The following SCN7A variants were observed in gnomAD, a reference collection of about 807,000 sequenced individuals.
SCN7A encodes sodium voltage-gated channel alpha subunit 7, also known as sodium channel protein type 7 subunit alpha.
In SCN7A, 138 loss-of-function variants were observed where a neutral mutation model predicts 155.2. The ratio of observed to expected loss-of-function variants is 0.89; its 90% CI spans 0.77 to 1.02. The LOEUF (loss-of-function observed/expected upper bound fraction) is 1.02. SCN7A is among the 50% of genes least tolerant of loss of function. The probability of loss-of-function intolerance (pLI) is 0.00; values close to 1 mark genes in which losing one functional copy is unlikely to be tolerated. For missense variants in SCN7A, 2,058 were observed against 1,986.6 expected (o/e 1.04, Z -0.68); for synonymous variants, 693 against 649.0 (o/e 1.07, Z -1.03).
rs753577115 is a variant in SCN7A at position 166,465,917 on chromosome 2, C to A, written c.735G>T (p.Leu245=). ...TTAGAGAAAATATGCTCAGAAAAAACAGAGTTAGGATAATGACACCAATAA... is the reference window on the plus strand; with the variant it reads ...TTAGAGAAAATATGCTCAGAAAAAAAAGAGTTAGGATAATGACACCAATAA... The part of the protein sequence containing the change: ...KQLIGVIILT[L]FFLSIFSLIG... The change falls in exon 8 of 26, where the codon CTG becomes CTT. Residue 245 remains leucine, a synonymous_variant. Coordinates refer to ENST00000643258, the MANE Select transcript of SCN7A (RefSeq NM_002976.4). 7.4e-6 allele frequency: 12 copies of A among 1,613,614 alleles called. No homozygotes were observed. The highest frequency in any genetic ancestry group is 1.6e-4 in the Middle Eastern group (1 of 6,084).
At chr2:166,471,259 G>A (rs1702649181) in intron 6 of SCN7A, among the ~76,000 whole-genome samples, 1 of 151,818 alleles carries the variant, frequency 6.6e-6, no homozygotes, top group Non-Finnish European at 1.5e-5. Flanking sequence ...TGCAACATGA[G>A]CAAATTATTT....
At chr2:166,430,264 T>C (rs1157528807) in intron 16 of SCN7A, among the ~76,000 whole-genome samples, 8 of 152,008 alleles carry the variant, frequency 5.3e-5, no homozygotes, top group Non-Finnish European at 1.0e-4. Flanking sequence ...AAAGCTTTTT[T>C]TGCTTTAGTT....
intron 3 of SCN7A, among the ~76,000 whole-genome samples, chr2:166,476,949 G>T (rs2105512559): frequency 6.6e-6 from 1 of 152,022 alleles, no homozygotes; most frequent in East Asian, 1.9e-4. Flanking sequence ...TTAGCATTTT[G>T]TGCTTGTTCT....
chr2:166,461,457 ACT>A lies in SCN7A; in HGVS notation c.1083+930_1083+931del, dbSNP rs1575048414. On this transcript the variant is annotated intron_variant, in intron 10 of 25. Transcript: ENST00000643258. The stretch of plus-strand genomic sequence containing the variant: ...CATACATAATTAGTTACGAATACAG[ACT>A]CTCAGAATTTGAATTTCAATTCTCA... Among the ~76,000 whole-genome samples the A allele has an allele frequency of 2.0e-5, 3 of 152,092 alleles. No individual in the cohort carries two copies. In the East Asian group the frequency reaches 5.8e-4, roughly 29 times the overall value.
chr2:166,406,704 G>A, intron 25 of SCN7A, 58 bp from the exon 26 acceptor site: 1 of 1,154,594 alleles, frequency 8.7e-7, no homozygotes, highest in South Asian at 1.5e-5. Context: ...AGTATTTTGA[G>A]GACTATAAAT....
chr2:166,459,940 C>T (rs2105472140), intron 10 of SCN7A, among the ~76,000 whole-genome samples: 2 of 152,078 alleles, frequency 1.3e-5, no homozygotes, highest in East Asian at 3.9e-4. Context: ...AACATATGGG[C>T]ACAGGGAGGG....
chr2:166,413,550 T>C (rs1297446658), intron 21 of SCN7A, among the ~76,000 whole-genome samples: 1 of 151,930 alleles, frequency 6.6e-6, no homozygotes, highest in African/African-American at 2.4e-5. Flanking sequence ...GTGACTTGGG[T>C]TGAACTAAAG....
In SCN7A at chr2:166,412,751, C is replaced by CA. The variant is rs1701229641; in HGVS notation, c.3469-85dup. The CA allele has an allele frequency of 4.9e-6, 7 of 1,421,120 alleles. No individual in the cohort carries two copies. In the East Asian group the frequency reaches 2.0e-4, roughly 40 times the overall value. 88.0% of individuals were successfully genotyped at this position (1,421,120 alleles called of 1,614,324 possible). ...ACAATTTATGACAAGAAAACAATAACAAAACAAGCATTGTTATGCTACCTA... is the reference window on the plus strand; with the variant it reads ...ACAATTTATGACAAGAAAACAATAACAAAAACAAGCATTGTTATGCTACCTA... On this transcript the variant is annotated intron_variant, in intron 22 of 25. Coordinates refer to ENST00000643258, the MANE Select transcript of SCN7A (RefSeq NM_002976.4).
intron 15 of SCN7A, among the ~76,000 whole-genome samples, chr2:166,433,585 T>C (rs897619246): frequency 1.3e-5 from 2 of 152,114 alleles, no homozygotes; most frequent in Non-Finnish European, 2.9e-5. Context: ...TAGACCCAAG[T>C]CTGCTTTATT....
chr2:166,421,294 A>G lies in SCN7A; in HGVS notation c.3031T>C (p.Phe1011Leu). The change falls in exon 20 of 26, where the codon TTT becomes CTT. Residue 1011 changes from phenylalanine to leucine, a missense_variant. Coordinates refer to ENST00000643258, the MANE Select transcript of SCN7A (RefSeq NM_002976.4). ...GTTTTGCCTATTAAGCTAAGACAAA[A>G]CACCTATATATTTTTTTTAAAAAAA... ...YRLDFVVVIV[F>L]CLSLIGKTRE... The G allele has an allele frequency of 6.7e-7, 1 of 1,483,476 alleles. No individual in the cohort carries two copies. The highest frequency in any genetic ancestry group is 2.5e-5 in the Admixed American group (1 of 39,610). The allele number at this position is 1,483,476 out of a possible 1,614,324, so 91.9% of individuals were successfully genotyped here. A position where few individuals can be genotyped will look rare whatever the true frequency, so the allele number is the denominator to read the frequency against.
At chr2:166,486,513 C>T (rs1028137156) in intron 2 of SCN7A, among the ~76,000 whole-genome samples, 5 of 152,162 alleles carry the variant, frequency 3.3e-5, no homozygotes, top group South Asian at 2.1e-4. Context: ...CTGGTTAACA[C>T]GCTGGTACTG....
At position 166,424,226 on chromosome 2, in the gene SCN7A, T is replaced by C. The variant is rs928726380; in HGVS notation, c.2854-794A>G. On this transcript the variant is annotated intron_variant, in intron 18 of 25. Coordinates refer to ENST00000643258, the MANE Select transcript of SCN7A (RefSeq NM_002976.4). ...TGTGTAAATGAGTCCATAAAGATTATAAAGTTCTTAAAAATTTTATTTTGT... is the reference window on the plus strand; with the variant it reads ...TGTGTAAATGAGTCCATAAAGATTACAAAGTTCTTAAAAATTTTATTTTGT... Among the ~76,000 whole-genome samples the C allele has an allele frequency of 4.6e-5, 7 of 152,250 alleles. No homozygotes were observed. The East Asian group carries it at 7.7e-4, about 17-fold the overall frequency.
At chr2:166,431,279 T>G (rs150375397) in intron 16 of SCN7A, among the ~76,000 whole-genome samples, 119 of 152,236 alleles carry the variant, frequency 7.8e-4, no homozygotes, top group African/African-American at 2.7e-3. Context: ...GCATGTGGAT[T>G]AAAAATGTCT....
chr2:166,416,632 C>T (rs1701382939), intron 21 of SCN7A, 75 bp downstream of exon 21: 17 of 1,275,500 alleles, frequency 1.3e-5, no homozygotes, highest in Non-Finnish European at 1.6e-5. Flanking sequence ...TAATCGCCCA[C>T]ATTTTGTCCT....
chr2:166,464,059 C>T (rs1252783401), intron 9 of SCN7A, among the ~76,000 whole-genome samples: 1 of 150,584 alleles, frequency 6.6e-6, no homozygotes, highest in Non-Finnish European at 1.5e-5. Flanking sequence ...CGGTCTCAAA[C>T]AAACTATACA....
At chr2:166,445,125 G>T (rs1234497734) in intron 12 of SCN7A, 125 bp from the exon 13 acceptor site, 1 of 615,722 alleles carries the variant, frequency 1.6e-6, no homozygotes, top group African/African-American at 1.8e-5. Context: ...AGACCAGCCT[G>T]GTCAATATAG....
chr2:166,413,500 T>G (rs1010592322), intron 21 of SCN7A, among the ~76,000 whole-genome samples: 1 of 152,090 alleles, frequency 6.6e-6, no homozygotes, highest in Non-Finnish European at 1.5e-5. Flanking sequence ...ACTGAGTCAC[T>G]GAGTAGCAGT....
chr2:166,456,269 G>C (rs1702272193), intron 11 of SCN7A, among the ~76,000 whole-genome samples: 1 of 151,972 alleles, frequency 6.6e-6, no homozygotes, highest in South Asian at 2.1e-4. Flanking sequence ...ACAGGTTGAT[G>C]GGTGTGGCAA....
chr2:166,463,925 A>C (rs1414282429), intron 9 of SCN7A, among the ~76,000 whole-genome samples: 1 of 152,008 alleles, frequency 6.6e-6, no homozygotes, highest in Non-Finnish European at 1.5e-5. Context: ...TAGTGGTGGC[A>C]CATGCCTGTA....
Sources: allele counts gnomAD v4.1 joint callset (sites outside exome capture counted in the v4.1 genomes callset), GRCh38; gene constraint gnomAD v4.1.1; transcripts MANE v1.5; gene names NCBI Gene and HGNC (gene_info 2026-07-23, HGNC 2026-07-21).